The following DEPDC5 variants were observed in gnomAD, a reference collection of about 807,000 sequenced individuals.
DEPDC5 encodes GATOR1 complex protein DEPDC5.
Under a neutral mutation model 217.3 loss-of-function variants are expected in DEPDC5, and 73 were observed. The observed-to-expected ratio is 0.34, with a 90% CI of 0.28 to 0.41. The LOEUF (loss-of-function observed/expected upper bound fraction) is 0.41. Ranked by LOEUF, DEPDC5 falls within the 10% of genes least tolerant of loss-of-function variation. DEPDC5 has a pLI of 1.00. For missense variants in DEPDC5, 1,675 were observed against 2,070.1 expected (o/e 0.81, Z 3.70); for synonymous variants, 733 against 756.7 (o/e 0.97, Z 0.51).
At chr22:31,885,329 C>T (rs1387928272) in intron 38 of DEPDC5, among the ~76,000 whole-genome samples, 1 of 152,202 alleles carries the variant, frequency 6.6e-6, no homozygotes, top group African/African-American at 2.4e-5. Context: ...GTGAACACGC[C>T]GTGCACATCT....
At chr22:31,769,123 G>A in intron 7 of DEPDC5, 1 of 228,802 alleles carries the variant, frequency 4.4e-6, no homozygotes, top group Non-Finnish European at 8.6e-6. Context: ...AGCTGGGCGT[G>A]GTGGCGGGCG....
chr22:31,776,611 T>C (rs2083883194), intron 7 of DEPDC5, among the ~76,000 whole-genome samples: 1 of 145,252 alleles, frequency 6.9e-6, no homozygotes, highest in African/African-American at 2.6e-5. Flanking sequence ...AGTTGTGCTC[T>C]TGTTGCCCAG....
chr22:31,809,830 A>T (rs936695858), intron 19 of DEPDC5, among the ~76,000 whole-genome samples, 183 bp downstream of exon 19: 2 of 152,166 alleles, frequency 1.3e-5, no homozygotes, highest in South Asian at 4.1e-4. Context: ...AATACAAAAA[A>T]AATTAGCTGG....
chr22:31,758,448 G>A, intron 2 of DEPDC5, 98 bp from the exon 3 acceptor site: 1 of 1,028,300 alleles, frequency 9.7e-7, no homozygotes, highest in Non-Finnish European at 1.5e-6. Flanking sequence ...CAATGGGGTG[G>A]CAATACCATC....
At chr22:31,890,446 C>T (rs1236546198) in intron 38 of DEPDC5, 1 of 152,090 alleles carries the variant, frequency 6.6e-6, no homozygotes, top group African/African-American at 2.4e-5. Flanking sequence ...GGCATGGTGG[C>T]TCATTATTAT....
At chr22:31,816,011 A>G in intron 21 of DEPDC5, 1 of 985,538 alleles carries the variant, frequency 1.0e-6, no homozygotes, top group African/African-American at 1.7e-5. Flanking sequence ...TTAGTTTCTC[A>G]TTTACCGGTC....
At chr22:31,881,962 GAA>G (rs530475337) in intron 38 of DEPDC5, among the ~76,000 whole-genome samples, 5 of 101,764 alleles carry the variant, frequency 4.9e-5, no homozygotes, top group Admixed American at 2.2e-4. Context: ...GACTCCATCT[GAA>G]AAAAAAAAAA....
Position 31,870,749 on chromosome 22 carries a change from G to T in DEPDC5, c.3485+5G>T. Reference sequence around the variant, plus strand: ...CACAAACTCCAGTGACAGCAGGTGAGATTCAGAGTGGCCAAACTCATGTTC... The same window carrying T: ...CACAAACTCCAGTGACAGCAGGTGATATTCAGAGTGGCCAAACTCATGTTC... On this transcript the variant is annotated splice_donor_5th_base_variant and intron_variant, in intron 34 of 42. Transcript: ENST00000651528. 6.5e-7 allele frequency: 1 copy of T among 1,548,768 alleles called. No individual in the cohort carries two copies. Among genetic ancestry groups the T allele is most frequent in the South Asian group, 1.2e-5 (1 of 80,216 alleles).
intron 31 of DEPDC5, chr22:31,853,319 T>A (rs1281567349): frequency 6.6e-6 from 1 of 151,838 alleles, no homozygotes; most frequent in Admixed American, 6.6e-5. Context: ...GTGTGAAGGG[T>A]GAGATTCTCA....
At chr22:31,821,888 T>C (rs367882644) in intron 23 of DEPDC5, among the ~76,000 whole-genome samples, 153 of 152,350 alleles carry the variant, frequency 1.0e-3, no homozygotes, top group South Asian at 2.7e-3. Context: ...GAACACACTT[T>C]GTAAACCTCA....
rs543483674 is a variant in DEPDC5 at position 31,777,590 on chromosome 22, C to T, written c.414-509C>T. ...GCCCTTCTTTAGACCTATATGTGGA[C>T]TCCCAGATTAAGAGCCCCTGTTCAT... On this transcript the variant is annotated intron_variant, in intron 7 of 42. Coordinates refer to ENST00000651528, the MANE Select transcript of DEPDC5 (RefSeq NM_001242896.3). Among the ~76,000 whole-genome samples the T allele has an allele frequency of 5.3e-5, 8 of 151,796 alleles. No individual in the cohort carries two copies. In the South Asian group the frequency reaches 1.7e-3, roughly 32 times the overall value.
At position 31,897,565 on chromosome 22, in the gene DEPDC5, C is replaced by T; in HGVS notation, c.4287C>T (p.Tyr1429=). ...AGGGGCCTTTTGCACTGCCCAGTTA[C>T]CTGTATGGCGACCCCCTTCGTGCCC... ...VLEGPFALPS[Y]LYGDPLRAQL... Residue 1429 remains tyrosine, a synonymous_variant, in exon 40 of 43, where the codon TAC becomes TAT. Transcript: ENST00000651528. 2 of 1,614,170 alleles carry T rather than the reference C, an allele frequency of 1.2e-6. No homozygotes were observed. Among genetic ancestry groups the T allele is most frequent in the Non-Finnish European group, 1.7e-6 (2 of 1,180,018 alleles).
At chr22:31,814,887 G>A in intron 20 of DEPDC5, 105 bp from the exon 21 acceptor site, 1 of 1,245,382 alleles carries the variant, frequency 8.0e-7, no homozygotes, top group South Asian at 1.3e-5. Context: ...GGGGATTTTT[G>A]TTATTGGGTT....
At chr22:31,885,157 G>A (rs2093274744) in intron 38 of DEPDC5, among the ~76,000 whole-genome samples, 1 of 152,106 alleles carries the variant, frequency 6.6e-6, no homozygotes. Flanking sequence ...CCCCTTCTGG[G>A]CAGGATCCTC....
intron 36 of DEPDC5, 197 bp from the exon 37 acceptor site, chr22:31,875,960 T>G: frequency 5.8e-6 from 3 of 516,558 alleles, no homozygotes; most frequent in East Asian, 3.0e-5. Context: ...CCCTTCTGCA[T>G]GTTTGAAATA....
chr22:31,818,258 C>T (rs181201562), intron 21 of DEPDC5, among the ~76,000 whole-genome samples: 80 of 152,184 alleles, frequency 5.3e-4, no homozygotes, highest in African/African-American at 1.8e-3. Flanking sequence ...TCCATTTCTT[C>T]GTTATTTTTT....
chr22:31,886,487 T>C (rs1345681891), intron 38 of DEPDC5, among the ~76,000 whole-genome samples: 1 of 152,102 alleles, frequency 6.6e-6, no homozygotes, highest in Non-Finnish European at 1.5e-5. Flanking sequence ...AGGCCAGGCA[T>C]GGTGGCTCAC....
chr22:31,891,543 C>T, intron 38 of DEPDC5: 1 of 172,624 alleles, frequency 5.8e-6, no homozygotes, highest in Non-Finnish European at 1.2e-5. Context: ...TGGAGCTCTC[C>T]TGCCTTACAA....
intron 18 of DEPDC5, among the ~76,000 whole-genome samples, chr22:31,807,581 G>A (rs1017549886): frequency 6.6e-6 from 1 of 152,028 alleles, no homozygotes; most frequent in Non-Finnish European, 1.5e-5. Flanking sequence ...ACAGGCACCC[G>A]CCACCACACC....
Sources: gnomAD v4.1 joint callset for allele counts (sites outside exome capture counted in the v4.1 genomes callset) on GRCh38, gnomAD v4.1.1 for gene constraint, MANE v1.5 for transcripts, NCBI Gene and HGNC (gene_info 2026-07-23, HGNC 2026-07-21) for gene names.